The following OOEP variants were observed in gnomAD, a reference collection of about 807,000 sequenced individuals.
OOEP encodes the protein oocyte-expressed protein homolog.
Under a neutral mutation model 13.7 loss-of-function variants are expected in OOEP, and 16 were observed. That is an observed-to-expected ratio of 1.16 (90% confidence interval 0.79 to 1.77). The LOEUF (loss-of-function observed/expected upper bound fraction) is 1.77. Ranked by LOEUF, OOEP falls within the 40% of genes most tolerant of loss-of-function variation. The pLI, the probability that OOEP is intolerant of heterozygous loss-of-function variation, is 0.00. For synonymous variants in OOEP, 89 were observed against 77.1 expected, an observed-to-expected ratio of 1.15 and a Z score of -0.81; for missense variants, 195 against 193.1, an observed-to-expected ratio of 1.01 and a Z score of -0.06.
chr6:73,388,985 G>C (rs982558548), intron 2 of OOEP, among the ~76,000 whole-genome samples: 7 of 152,104 alleles, frequency 4.6e-5, no homozygotes, highest in Admixed American at 2.6e-4. Flanking sequence ...ACCCACATTG[G>C]GGGTACTCGC....
chr6:73,369,147 G>T, intron 2 of OOEP, 59 bp downstream of exon 2: 1 of 1,512,864 alleles, frequency 6.6e-7, no homozygotes, highest in Admixed American at 2.0e-5. Context: ...AGGAAACCGA[G>T]CAAGGCCAGT....
intron 2 of OOEP, among the ~76,000 whole-genome samples, chr6:73,377,701 T>C (rs111919819): frequency 8.5e-5 from 13 of 152,210 alleles, no homozygotes; most frequent in Non-Finnish European, 1.5e-4. Context: ...AGAGTCTTAC[T>C]CTGTCACCTA....
At chr6:73,369,961 G>A (rs138578430), upstream of OOEP, 1,679 of 611,112 alleles carry the variant, frequency 2.7e-3, 8 homozygotes, top group Non-Finnish European at 3.8e-3. Flanking sequence ...CCCCGGCATA[G>A]CGGCACCATT....
At position 73,379,416 on chromosome 6, in the gene OOEP, G is replaced by T. The variant is rs538598256; in HGVS notation, c.26-10031C>A. ...TCCCAGCACTTTGGAGGCCAAGGCG[G>T]GTGGATCACTTGAGGTTAGAAGTTT... is the stretch of plus-strand genomic sequence containing the variant. On this transcript the variant is annotated intron_variant, in intron 2 of 3. Transcript: ENST00000370363. Among the ~76,000 whole-genome samples the T allele has an allele frequency of 1.5e-4, 23 of 151,448 alleles. No homozygotes were observed. The South Asian group carries it at 3.3e-3, about 22-fold the overall frequency.
At chr6:73,386,245 C>T (rs1308570375) in intron 2 of OOEP, among the ~76,000 whole-genome samples, 2 of 152,062 alleles carry the variant, frequency 1.3e-5, no homozygotes, top group Non-Finnish European at 2.9e-5. Flanking sequence ...CAGGCATGTG[C>T]CACCATGTCC....
chr6:73,373,350 G>T, upstream of OOEP: 7 of 1,311,094 alleles, frequency 5.3e-6, no homozygotes, highest in Non-Finnish European at 7.7e-6. Context: ...TTTGAGACAG[G>T]GTCTCACTCT....
chr6:73,385,475 TAATAG>T (rs1252694572), intron 2 of OOEP, among the ~76,000 whole-genome samples: 2 of 152,158 alleles, frequency 1.3e-5, no homozygotes, highest in African/African-American at 4.8e-5. Context: ...TATGCCATAT[TAATAG>T]AATAAAGGAC....
intron 2 of OOEP, 26 bp from the exon 3 acceptor site, chr6:73,368,889 C>A (rs1333405625): frequency 6.4e-7 from 1 of 1,557,188 alleles, no homozygotes; most frequent in South Asian, 1.1e-5. Flanking sequence ...TTGATACTAA[C>A]CATGGACAGG....
At chr6:73,383,696 T>G (rs898575329) in intron 2 of OOEP, among the ~76,000 whole-genome samples, 4 of 151,904 alleles carry the variant, frequency 2.6e-5, no homozygotes, top group African/African-American at 9.7e-5. Flanking sequence ...AGAGTAAAAA[T>G]TATGTAGAAA....
intron 2 of OOEP, among the ~76,000 whole-genome samples, chr6:73,379,178 C>T (rs964776844): frequency 6.6e-6 from 1 of 151,756 alleles, no homozygotes; most frequent in African/African-American, 2.4e-5. Flanking sequence ...GCGTGCGCCA[C>T]CACGTCCAGC....
intron 2 of OOEP, among the ~76,000 whole-genome samples, chr6:73,379,471 T>C (rs556987512): frequency 6.6e-6 from 1 of 151,428 alleles, no homozygotes; most frequent in African/African-American, 2.4e-5. Flanking sequence ...TGGTGAAACC[T>C]AGTCTCTACT....
exon 1 of OOEP, chr6:73,395,066 C>G: frequency 6.2e-7 from 1 of 1,613,120 alleles, no homozygotes; most frequent in African/African-American, 1.3e-5. Flanking sequence ...TGGAGAGGCA[C>G]CTCTAGGCCC....
chr6:73,382,776 A>G (rs1214091678), intron 2 of OOEP, among the ~76,000 whole-genome samples: 1 of 141,230 alleles, frequency 7.1e-6, no homozygotes, highest in African/African-American at 2.7e-5. Context: ...CTAGGCTTGA[A>G]CTCCTGGCCT....
intron 2 of OOEP, among the ~76,000 whole-genome samples, chr6:73,392,269 GA>G (rs1166525386): frequency 6.6e-6 from 1 of 152,164 alleles, no homozygotes; most frequent in Non-Finnish European, 1.5e-5. Flanking sequence ...AAAGATTAGA[GA>G]ATGGAGATTA....
At position 73,369,314 on chromosome 6, in the gene OOEP, A is replaced by G. The variant is rs544801265; in HGVS notation, c.262T>C (p.Ser88Pro). The G allele has an allele frequency of 1.3e-5, 21 of 1,613,756 alleles. No homozygotes were observed. In the Admixed American group the frequency reaches 2.3e-4, roughly 18 times the overall value. ...ACGGTGATTTCGACTAGGTTCCCTG[A>G]GTCCACTATGTCCACTGTCAGCAGG... ...QALLTVDIVD[S>P]GNLVEITVFG... is the part of the protein sequence containing the mutation. The change falls in exon 2 of 3, where the codon TCA (serine) becomes CCA (proline). Residue 88 changes from serine to proline, a missense_variant. Physicochemically the swap from Ser to Pro is moderately conservative, Grantham distance 74. Coordinates refer to ENST00000370359, the MANE Select transcript of OOEP (RefSeq NM_001080507.3).
At chr6:73,385,378 C>T (rs967152628) in intron 2 of OOEP, among the ~76,000 whole-genome samples, 4 of 149,880 alleles carry the variant, frequency 2.7e-5, no homozygotes, top group Non-Finnish European at 5.9e-5. Flanking sequence ...AAATGGAATT[C>T]AGCATTATTA....
intron 2 of OOEP, among the ~76,000 whole-genome samples, chr6:73,384,503 T>C (rs1440986562): frequency 1.3e-5 from 2 of 152,124 alleles, no homozygotes; most frequent in Non-Finnish European, 2.9e-5. Context: ...CAGACCAATA[T>C]TCCTGAGTAA....
chr6:73,376,926 A>G (rs1769146823), intron 2 of OOEP, among the ~76,000 whole-genome samples: 2 of 152,224 alleles, frequency 1.3e-5, no homozygotes, highest in African/African-American at 4.8e-5. Context: ...TGCTGAGATT[A>G]CAGGCGTGAG....
chr6:73,382,117 G>A (rs922795943), intron 2 of OOEP, among the ~76,000 whole-genome samples: 3 of 151,920 alleles, frequency 2.0e-5, no homozygotes, highest in Non-Finnish European at 4.4e-5. Flanking sequence ...GTGTGATCAT[G>A]GCTCACTGCA....
Sources: allele counts gnomAD v4.1 joint callset (sites outside exome capture counted in the v4.1 genomes callset), GRCh38; gene constraint gnomAD v4.1.1; transcripts MANE v1.5; gene names NCBI Gene and HGNC (gene_info 2026-07-23, HGNC 2026-07-21).